JAKMIP1: variants seen among roughly 807,000 people sequenced by gnomAD.
The protein encoded by JAKMIP1 is janus kinase and microtubule interacting protein 1, also known as janus kinase and microtubule-interacting protein 1.
JAKMIP1 carries 33 observed loss-of-function variants against 113.0 expected under a neutral mutation model. The ratio of observed to expected loss-of-function variants is 0.29; its 90% CI spans 0.22 to 0.39. The LOEUF is 0.39. Among genes scored for constraint, JAKMIP1 ranks in the 10% least tolerant of loss-of-function variants. The pLI is 1.00. For synonymous variants in JAKMIP1, 480 were observed against 459.9 expected (o/e 1.04, Z -0.56); for missense variants, 813 against 1,080.5 (o/e 0.75, Z 3.47).
chr4:6,117,474 C>A (rs1715978231), intron 1 of JAKMIP1, among the ~76,000 whole-genome samples: 1 of 151,952 alleles, frequency 6.6e-6, no homozygotes, highest in East Asian at 1.9e-4. Context: ...TAGAATATCA[C>A]AAGGCAAGTG....
intron 1 of JAKMIP1, among the ~76,000 whole-genome samples, chr4:6,122,940 G>T (rs189769317): frequency 1.5e-3 from 227 of 152,264 alleles, no homozygotes; most frequent in African/African-American, 5.1e-3. Flanking sequence ...GCATGAAATG[G>T]TTTCATACTT....
rs1041158353 is a variant in JAKMIP1 at position 6,042,034 on chromosome 4, G to C, written c.2097+125C>G. 4.1e-5 allele frequency: 31 copies of C among 755,990 alleles called. No individual in the cohort carries two copies. In the Admixed American group the frequency reaches 5.2e-4, roughly 13 times the overall value. The allele number at this position is 755,990 out of a possible 1,614,324, so 46.8% of individuals were successfully genotyped here. A position where few individuals can be genotyped will look rare whatever the true frequency, so the allele number is the denominator to read the frequency against. On this transcript the variant is annotated intron_variant, in intron 17 of 20. Coordinates refer to ENST00000409021, the MANE Select transcript of JAKMIP1 (RefSeq NM_001099433.2). The surrounding 1 kb of genome is among the most constrained non-coding windows in gnomAD (Gnocchi z 5.2). ...GACAATTACTTAGAACAACCACTGG[G>C]GCAAAAGCAAAATTGAGAAATGCAT...
chr4:6,074,753 A>G lies in JAKMIP1; in HGVS notation c.1302+4186T>C, dbSNP rs1315610698. On this transcript the variant is annotated intron_variant, in intron 8 of 20. Coordinates refer to ENST00000409021, the MANE Select transcript of JAKMIP1 (RefSeq NM_001099433.2). The stretch of plus-strand genomic sequence containing the variant: ...GCAGCATAACAGCATCTCAGTCCTC[A>G]ACAGTATACAACAACGGTCCCATAA... Among the ~76,000 whole-genome samples, 5 of 152,332 alleles carry G rather than the reference A, an allele frequency of 3.3e-5. No homozygotes were observed. In the East Asian group the frequency reaches 7.7e-4, roughly 23 times the overall value.
intron 20 of JAKMIP1, among the ~76,000 whole-genome samples, chr4:6,026,866 ATTT>A (rs370379960): frequency 3.6e-5 from 5 of 140,704 alleles, no homozygotes; most frequent in African/African-American, 7.9e-5. Flanking sequence ...ATTTCTTTGC[ATTT>A]TTTTTTTTTT....
intron 3 of JAKMIP1, among the ~76,000 whole-genome samples, chr4:6,090,594 C>T (rs1721917652): frequency 6.6e-6 from 1 of 152,224 alleles, no homozygotes; most frequent in South Asian, 2.1e-4. Flanking sequence ...TAAACTAGAA[C>T]ATCACTGTCC....
intron 20 of JAKMIP1, 54 bp from the exon 21 acceptor site, chr4:6,026,332 A>G: frequency 1.1e-6 from 1 of 915,800 alleles, no homozygotes; most frequent in South Asian, 1.5e-5. Context: ...AGAAAAGAAA[A>G]CAGATGTAAG....
In JAKMIP1 at chr4:6,183,393, C is replaced by G. The variant is rs1360332896; in HGVS notation, c.-148+16860G>C. ...ACTTGGGAGGCCGAGGCAGGAGAGT[C>G]GCTTGAACCTGGGAGGCAGAGGTTA... On this transcript the variant is annotated intron_variant, in intron 1 of 20. Transcript: ENST00000409021. The surrounding 1 kb of genome is among the most constrained non-coding windows in gnomAD (Gnocchi z 5.3). 6.6e-6 allele frequency among the ~76,000 whole-genome samples: 1 copy of G among 151,600 alleles called. No individual in the cohort carries two copies.
intron 1 of JAKMIP1, among the ~76,000 whole-genome samples, chr4:6,117,223 C>A (rs140355511): frequency 1.3e-5 from 2 of 152,162 alleles, no homozygotes; most frequent in South Asian, 4.2e-4. Context: ...GGACCTGCCC[C>A]GATAATCACG....
chr4:6,042,388 G>A lies in JAKMIP1; in HGVS notation c.2029-161C>T, dbSNP rs897556764. 2.0e-5 allele frequency among the ~76,000 whole-genome samples: 3 copies of A among 152,160 alleles called. No individual in the cohort carries two copies. The highest frequency in any genetic ancestry group is 2.9e-5 in the Non-Finnish European group (2 of 68,042). On this transcript the variant is annotated intron_variant, in intron 16 of 20. Coordinates refer to ENST00000409021, the MANE Select transcript of JAKMIP1 (RefSeq NM_001099433.2). The surrounding 1 kb of genome is among the most constrained non-coding windows in gnomAD (Gnocchi z 5.2). ...CACACATGCCTGATCTGTGGATGGC[G>A]TGGTTGTGTGTGCATGGTCCAGCCT... is the stretch of plus-strand genomic sequence containing the variant.
chr4:6,170,879 T>TCCATCACCTCCACCACCACCATCA, intron 1 of JAKMIP1, among the ~76,000 whole-genome samples: 1 of 120,850 alleles, frequency 8.3e-6, no homozygotes, highest in East Asian at 2.8e-4. Flanking sequence ...CACAATCACC[T>TCCATCACCTCCACCACCACCATCA]CCATCACCTC....
At chr4:6,075,674 A>G (rs953574673) in intron 8 of JAKMIP1, among the ~76,000 whole-genome samples, 1 of 152,238 alleles carries the variant, frequency 6.6e-6, no homozygotes, top group African/African-American at 2.4e-5. Flanking sequence ...TCATACAAGT[A>G]CATTTTTCCA....
Position 6,197,529 on chromosome 4 carries a change from A to G in JAKMIP1, c.-148+2724T>C, listed in dbSNP as rs951578750. On this transcript the variant is annotated intron_variant, in intron 1 of 20. Transcript: ENST00000409021. The surrounding 1 kb of genome is among the most constrained non-coding windows in gnomAD (Gnocchi z 6.5). ...AGGAAATGGAGGCTCAGAGAGGTTAATCTTCTTACCCAAGATCACACAATG... is the reference window on the plus strand; with the variant it reads ...AGGAAATGGAGGCTCAGAGAGGTTAGTCTTCTTACCCAAGATCACACAATG... Among the ~76,000 whole-genome samples the G allele has an allele frequency of 2.0e-5, 3 of 152,222 alleles. No individual in the cohort carries two copies. The highest frequency in any genetic ancestry group is 7.2e-5 in the African/African-American group (3 of 41,452).
intron 1 of JAKMIP1, among the ~76,000 whole-genome samples, chr4:6,174,743 C>T (rs913757321): frequency 6.6e-6 from 1 of 152,066 alleles, no homozygotes; most frequent in Non-Finnish European, 1.5e-5. Context: ...AAGCCCCACC[C>T]CCTCCCTGCT....
chr4:6,114,361 A>T (rs1160122248), intron 1 of JAKMIP1, among the ~76,000 whole-genome samples: 1 of 152,184 alleles, frequency 6.6e-6, no homozygotes, highest in East Asian at 1.9e-4. Context: ...TGAGGACCTG[A>T]AGCTGGACAT....
In JAKMIP1 at chr4:6,140,883, G is replaced by A. The variant is rs1720042748; in HGVS notation, c.-147-27886C>T. On this transcript the variant is annotated intron_variant, in intron 1 of 20. Coordinates refer to ENST00000409021, the MANE Select transcript of JAKMIP1 (RefSeq NM_001099433.2). The surrounding 1 kb of genome is among the most constrained non-coding windows in gnomAD (Gnocchi z 9.4). ...TCATCTGTCCTCAGCACAGTGCCTG[G>A]TGTATGGTAGACACTGGAGAATGGT... Among the ~76,000 whole-genome samples, 2 of 152,202 alleles carry A rather than the reference G, an allele frequency of 1.3e-5. No individual in the cohort carries two copies. Among genetic ancestry groups the A allele is most frequent in the Non-Finnish European group, 2.9e-5 (2 of 68,046 alleles).
At position 6,096,685 on chromosome 4, in the gene JAKMIP1, C is replaced by T. The variant is rs544829836; in HGVS notation, c.624+8788G>A. Among the ~76,000 whole-genome samples, 26 of 152,192 alleles carry T rather than the reference C, an allele frequency of 1.7e-4. No individual in the cohort carries two copies. In the South Asian group the frequency reaches 2.1e-3, roughly 12 times the overall value. On this transcript the variant is annotated intron_variant, in intron 3 of 20. Coordinates refer to ENST00000409021, the MANE Select transcript of JAKMIP1 (RefSeq NM_001099433.2). ...ACTTTTACCCTGTAAAATGGGAGTA[C>T]GGGTTGAGTATCCCTTATCTGAAAT...
Position 6,136,259 on chromosome 4 carries a change from A to G in JAKMIP1, c.-147-23262T>C, listed in dbSNP as rs897872777. On this transcript the variant is annotated intron_variant, in intron 1 of 20. Coordinates refer to ENST00000409021, the MANE Select transcript of JAKMIP1 (RefSeq NM_001099433.2). This position sits in a 1 kb window ranked among gnomAD's most constrained non-coding sequence, Gnocchi z 5.9. ...AGACTCAAAGTAAATAAATAAATAC[A>G]TAAATAACATGTACCAAAGTGCTTG... Among the ~76,000 whole-genome samples the G allele has an allele frequency of 1.3e-5, 2 of 152,182 alleles. No homozygotes were observed. Among genetic ancestry groups the G allele is most frequent in the African/African-American group, 4.8e-5 (2 of 41,436 alleles).
intron 18 of JAKMIP1, among the ~76,000 whole-genome samples, chr4:6,039,538 A>G (rs1714036560): frequency 6.6e-6 from 1 of 152,196 alleles, no homozygotes; most frequent in African/African-American, 2.4e-5. Flanking sequence ...GGGTGTTTTC[A>G]AAAGCACCAA....
chr4:6,180,595 C>T lies in JAKMIP1; in HGVS notation c.-148+19658G>A, dbSNP rs963118230. Among the ~76,000 whole-genome samples the T allele has an allele frequency of 6.6e-6, 1 of 152,314 alleles. No individual in the cohort carries two copies. On this transcript the variant is annotated intron_variant, in intron 1 of 20. Coordinates refer to ENST00000409021, the MANE Select transcript of JAKMIP1 (RefSeq NM_001099433.2). This position sits in a 1 kb window ranked among gnomAD's most constrained non-coding sequence, Gnocchi z 4.5. The stretch of plus-strand genomic sequence containing the variant: ...TATAGCTCTCACTGTGTAGCAGGAA[C>T]TGTTTCAAACTGTCCAAATTACCTA...
Sources: allele counts gnomAD v4.1 joint callset (sites outside exome capture counted in the v4.1 genomes callset), GRCh38; gene constraint gnomAD v4.1.1; non-coding constraint Gnocchi (gnomAD v3.1); transcripts MANE v1.5; gene names NCBI Gene and HGNC (gene_info 2026-07-23, HGNC 2026-07-21).